SEMA3A: variants seen among roughly 807,000 people sequenced by gnomAD.
SEMA3A encodes semaphorin-3A.
A neutral mutation model predicts 97.9 loss-of-function variants in SEMA3A; 29 were observed. The ratio of observed to expected loss-of-function variants is 0.30; its 90% CI spans 0.22 to 0.40. The LOEUF is 0.40. SEMA3A is among the 10% of genes least tolerant of loss of function. SEMA3A has a pLI of 1.00. For missense variants in SEMA3A, 763 were observed against 951.3 expected (o/e 0.80, Z 2.60); for synonymous variants, 321 against 323.7 (o/e 0.99, Z 0.09).
At chr7:84,142,739 C>A (rs1426829550) in intron 1 of SEMA3A, among the ~76,000 whole-genome samples, 2 of 152,136 alleles carry the variant, frequency 1.3e-5, no homozygotes, top group East Asian at 1.9e-4. Context: ...GCTTTCACCA[C>A]TAGCAGTATT....
upstream of SEMA3A, chr7:84,194,869 A>G: frequency 3.5e-6 from 1 of 282,666 alleles, no homozygotes. Flanking sequence ...AGAAAAAAAA[A>G]AAAAATTAAC....
rs865805504 is a variant in SEMA3A, at chr7:84,189,243, A to C, written c.112+5232T>G. 5.3e-5 allele frequency among the ~76,000 whole-genome samples: 8 copies of C among 151,838 alleles called. No homozygotes were observed. In the South Asian group the frequency reaches 1.2e-3, roughly 24 times the overall value. On this transcript the variant is annotated intron_variant, in intron 1 of 16. Transcript: ENST00000265362. ...GATTTTACCTCTATAACTTTGTAGCAATGAATTATTTATCACATATTACTT... is the reference window on the plus strand; with the variant it reads ...GATTTTACCTCTATAACTTTGTAGCCATGAATTATTTATCACATATTACTT...
intron 1 of SEMA3A, among the ~76,000 whole-genome samples, chr7:84,423,657 C>T (rs1326866711): frequency 1.3e-5 from 2 of 151,574 alleles, no homozygotes; most frequent in Non-Finnish European, 2.9e-5. Context: ...TCTTTGTTTC[C>T]CCAAATGAAT....
At chr7:84,407,926 A>G (rs1340030903) in intron 1 of SEMA3A, among the ~76,000 whole-genome samples, 2 of 152,220 alleles carry the variant, frequency 1.3e-5, no homozygotes, top group Admixed American at 6.5e-5. Context: ...TGTTAGACCT[A>G]AAACCATAAA....
At chr7:84,104,972 T>C in intron 4 of SEMA3A, among the ~76,000 whole-genome samples, 1 of 152,168 alleles carries the variant, frequency 6.6e-6, no homozygotes, top group Admixed American at 6.5e-5. Context: ...CTATGGACTT[T>C]AATCACATTT....
intron 1 of SEMA3A, among the ~76,000 whole-genome samples, chr7:84,375,548 T>C (rs1803077622): frequency 6.6e-6 from 1 of 152,190 alleles, no homozygotes; most frequent in Non-Finnish European, 1.5e-5. Flanking sequence ...TAAAATTTAT[T>C]CTTATTTTTA....
At chr7:84,083,263 C>G (rs571325491) in intron 4 of SEMA3A, among the ~76,000 whole-genome samples, 41 of 151,922 alleles carry the variant, frequency 2.7e-4, no homozygotes, top group Non-Finnish European at 4.9e-4. Flanking sequence ...GTTATTATAT[C>G]AAATACTAAT....
In SEMA3A at chr7:83,961,557, G is replaced by C. The variant is rs779340455; in HGVS notation, c.2130C>G (p.Ile710Met). 6.2e-7 allele frequency: 1 copy of C among 1,614,116 alleles called. No individual in the cohort carries two copies. The highest frequency in any genetic ancestry group is 1.1e-5 in the South Asian group (1 of 91,084). ...CCATTGTGTTGAGATTGGGGTGGTT[G>C]ATGAGCTGCATGAAGTCTCTGTACC... ...KVWYRDFMQL[I>M]NHPNLNTMDE... Residue 710 changes from isoleucine to methionine, a missense_variant, in exon 17 of 17, where the codon ATC (isoleucine) becomes ATG (methionine). By Grantham distance (10) the Ile-to-Met change is conservative (BLOSUM62 1). Coordinates refer to ENST00000265362, the MANE Select transcript of SEMA3A (RefSeq NM_006080.3).
At chr7:84,458,921 T>A (rs1185474245) in intron 1 of SEMA3A, among the ~76,000 whole-genome samples, 2 of 151,774 alleles carry the variant, frequency 1.3e-5, no homozygotes, top group Non-Finnish European at 2.9e-5. Flanking sequence ...TTTAACCATA[T>A]TTTTGTACTC....
intron 2 of SEMA3A, among the ~76,000 whole-genome samples, chr7:84,328,415 G>C (rs1431422736): frequency 1.3e-5 from 2 of 151,920 alleles, no homozygotes; most frequent in East Asian, 3.9e-4. Flanking sequence ...CAGTCAAAGA[G>C]AAAGAAAATG....
intron 2 of SEMA3A, among the ~76,000 whole-genome samples, chr7:84,367,773 G>A (rs1250779488): frequency 1.3e-5 from 2 of 151,032 alleles, no homozygotes; most frequent in Non-Finnish European, 3.0e-5. Context: ...TGAAGATAAA[G>A]ATGGAAATGA....
intron 4 of SEMA3A, among the ~76,000 whole-genome samples, chr7:84,084,544 A>G (rs1431998310): frequency 1.3e-5 from 2 of 151,838 alleles, no homozygotes; most frequent in Non-Finnish European, 2.9e-5. Context: ...TGAAAAAAAA[A>G]TAGGTAAAAT....
chr7:84,031,449 C>G (rs1791752040), intron 6 of SEMA3A, among the ~76,000 whole-genome samples: 1 of 152,108 alleles, frequency 6.6e-6, no homozygotes, highest in Admixed American at 6.5e-5. Context: ...AACTGATTGA[C>G]AATAAACATG....
chr7:84,209,200 T>C (rs1762385886), intron 3 of SEMA3A, among the ~76,000 whole-genome samples: 1 of 152,180 alleles, frequency 6.6e-6, no homozygotes, highest in African/African-American at 2.4e-5. Flanking sequence ...CACTTCTTAG[T>C]GATTCAGCTA....
intron 6 of SEMA3A, among the ~76,000 whole-genome samples, chr7:84,014,638 A>G (rs996484442): frequency 6.6e-6 from 1 of 152,208 alleles, no homozygotes; most frequent in Non-Finnish European, 1.5e-5. Context: ...GTTACTGGAT[A>G]TTAAAATATT....
At chr7:84,195,311 T>C (rs1422067342), upstream of SEMA3A, 1 of 152,190 alleles carries the variant, frequency 6.6e-6, no homozygotes, top group Non-Finnish European at 1.5e-5. Context: ...CGTTGTTTTA[T>C]AGCCATTTTT....
intron 6 of SEMA3A, among the ~76,000 whole-genome samples, chr7:84,031,873 A>G (rs1450203295): frequency 6.6e-6 from 1 of 152,146 alleles, no homozygotes; most frequent in East Asian, 1.9e-4. Context: ...GTCCTAAAAT[A>G]TAAGCAGATA....
chr7:84,368,173 T>C (rs964141785), intron 2 of SEMA3A, among the ~76,000 whole-genome samples: 1 of 151,234 alleles, frequency 6.6e-6, no homozygotes. Flanking sequence ...AAAAATTCTA[T>C]TTTTCTTTAC....
chr7:84,258,878 T>C lies in SEMA3A; in HGVS notation c.-83+48329A>G, dbSNP rs117761708. On this transcript the variant is annotated intron_variant, in intron 3 of 3. Coordinates refer to the SEMA3A transcript ENST00000424555. ...TTGTCTTATTCCAAAACCAACACTCTAGGGATTATCTAAACCAGAAGGGAT... is the reference window on the plus strand; with the variant it reads ...TTGTCTTATTCCAAAACCAACACTCCAGGGATTATCTAAACCAGAAGGGAT... Among the ~76,000 whole-genome samples, 1,313 of 152,058 alleles carry C rather than the reference T, an allele frequency of 8.6e-3. 3 individuals carry two copies. The highest frequency in any genetic ancestry group is 0.013 in the Non-Finnish European group (869 of 67,952).
Sources: gnomAD v4.1 joint callset for allele counts (sites outside exome capture counted in the v4.1 genomes callset) on GRCh38, gnomAD v4.1.1 for gene constraint, MANE v1.5 for transcripts, NCBI Gene and HGNC (gene_info 2026-07-23, HGNC 2026-07-21) for gene names.